The following KALRN variants were observed in gnomAD, a reference collection of about 807,000 sequenced individuals.
KALRN encodes the protein kalirin RhoGEF kinase.
KALRN carries 70 observed loss-of-function variants against 353.7 expected under a neutral mutation model. The ratio of observed to expected loss-of-function variants is 0.20; its 90% CI spans 0.16 to 0.24. The LOEUF is 0.24. Ranked by LOEUF, KALRN falls within the 10% of genes least tolerant of loss-of-function variation. The pLI is 1.00. For synonymous variants in KALRN, 1,391 were observed against 1,434.8 expected (o/e 0.97, Z 0.69); for missense variants, 2,791 against 3,756.7 (o/e 0.74, Z 6.72).
chr3:124,457,568 A>G (rs1373609333), intron 23 of KALRN, among the ~76,000 whole-genome samples: 9 of 152,102 alleles, frequency 5.9e-5, no homozygotes, highest in Admixed American at 5.9e-4. Context: ...CAGCACCTAC[A>G]CTTTTTATGT....
At chr3:124,328,190 G>A (rs1334286323) in intron 7 of KALRN, among the ~76,000 whole-genome samples, 1 of 152,120 alleles carries the variant, frequency 6.6e-6, no homozygotes, top group African/African-American at 2.4e-5. Context: ...GAGGGATTTG[G>A]CCATATCTTT....
intron 29 of KALRN, among the ~76,000 whole-genome samples, chr3:124,490,308 T>C (rs1222183941): frequency 1.3e-5 from 2 of 152,200 alleles, no homozygotes; most frequent in Non-Finnish European, 2.9e-5. Context: ...CAGGCAGTGT[T>C]TGTCCTCAAC....
chr3:124,653,320 T>C (rs1052191750), intron 38 of KALRN, among the ~76,000 whole-genome samples: 1 of 152,182 alleles, frequency 6.6e-6, no homozygotes, highest in African/African-American at 2.4e-5. Flanking sequence ...AGAATGGAGT[T>C]ACTTGTCTTC....
intron 1 of KALRN, among the ~76,000 whole-genome samples, chr3:124,183,544 C>T (rs548963971): frequency 6.6e-6 from 1 of 152,166 alleles, no homozygotes; most frequent in Non-Finnish European, 1.5e-5. Context: ...GATTGCATTT[C>T]AACATAAGAT....
intron 1 of KALRN, chr3:124,094,913 AGTGTGT>A: frequency 6.2e-7 from 1 of 1,612,808 alleles, no homozygotes; most frequent in Non-Finnish European, 8.5e-7. Flanking sequence ...AGGTATCCTG[AGTGTGT>A]GTATGCTTGT....
At chr3:124,184,789 A>G (rs888264356) in intron 1 of KALRN, among the ~76,000 whole-genome samples, 1 of 152,238 alleles carries the variant, frequency 6.6e-6, no homozygotes, top group African/African-American at 2.4e-5. Context: ...CATCTGGCAC[A>G]TACTGGGCAC....
intron 14 of KALRN, among the ~76,000 whole-genome samples, chr3:124,419,904 T>C (rs1320848306): frequency 1.3e-5 from 2 of 152,186 alleles, no homozygotes; most frequent in Non-Finnish European, 2.9e-5. Flanking sequence ...TTGAGAGCAG[T>C]AAAGTCAACA....
At chr3:124,702,686 A>G (rs1354474478) in intron 57 of KALRN, among the ~76,000 whole-genome samples, 2 of 152,140 alleles carry the variant, frequency 1.3e-5, no homozygotes, top group Non-Finnish European at 2.9e-5. Context: ...TGCAATCACT[A>G]ATTGTTGGAT....
chr3:124,490,283 C>G (rs1182599292), intron 29 of KALRN, among the ~76,000 whole-genome samples: 1 of 152,038 alleles, frequency 6.6e-6, no homozygotes, highest in African/African-American at 2.4e-5. Flanking sequence ...TAAAGAGGAG[C>G]TGAAGACACT....
At chr3:124,160,475 T>C (rs1308865483) in intron 1 of KALRN, among the ~76,000 whole-genome samples, 3 of 152,030 alleles carry the variant, frequency 2.0e-5, no homozygotes, top group African/African-American at 7.2e-5. Flanking sequence ...GGATGGGATG[T>C]GGGTTTGCTT....
chr3:124,263,580 C>T (rs750694757), intron 3 of KALRN, among the ~76,000 whole-genome samples: 1 of 151,682 alleles, frequency 6.6e-6, no homozygotes, highest in Non-Finnish European at 1.5e-5. Context: ...ATAGCGAGAC[C>T]CTGACTCTTT....
chr3:124,160,065 C>T (rs2069673902), intron 1 of KALRN, among the ~76,000 whole-genome samples: 1 of 151,568 alleles, frequency 6.6e-6, no homozygotes, highest in African/African-American at 2.4e-5. Context: ...CTTGAAAGTT[C>T]ATATCTATCT....
chr3:124,675,714 C>T (rs2087112642), intron 49 of KALRN, among the ~76,000 whole-genome samples: 1 of 152,120 alleles, frequency 6.6e-6, no homozygotes. Flanking sequence ...AACTGGTTCC[C>T]TGCAACTGGG....
At chr3:124,048,627 G>A (rs976535285) in intron 1 of KALRN, among the ~76,000 whole-genome samples, 6 of 151,824 alleles carry the variant, frequency 4.0e-5, no homozygotes, top group African/African-American at 9.7e-5. Flanking sequence ...GACTACAGGC[G>A]CCCGCCACCT....
chr3:124,368,404 C>T (rs1163019007), intron 10 of KALRN, among the ~76,000 whole-genome samples: 2 of 146,650 alleles, frequency 1.4e-5, no homozygotes, highest in African/African-American at 5.1e-5. Context: ...CGGGCAGAGG[C>T]GCTCCTCACA....
At chr3:124,056,503 G>C (rs2149184839) in intron 1 of KALRN, among the ~76,000 whole-genome samples, 1 of 152,290 alleles carries the variant, frequency 6.6e-6, no homozygotes, top group South Asian at 2.1e-4. Context: ...ACTATAAAGT[G>C]AAAGTGCTGA....
At chr3:124,307,721 T>TA (rs1195110519) in intron 6 of KALRN, among the ~76,000 whole-genome samples, 1 of 151,736 alleles carries the variant, frequency 6.6e-6, no homozygotes, top group Non-Finnish European at 1.5e-5. Context: ...TATAGAAGTA[T>TA]AAAAAAGACA....
chr3:124,404,018 CT>C (rs1246481080), intron 13 of KALRN, among the ~76,000 whole-genome samples: 1 of 152,052 alleles, frequency 6.6e-6, no homozygotes, highest in Admixed American at 6.5e-5. Context: ...GCCATCCAGC[CT>C]CTACCAGAAT....
chr3:124,163,097 G>T (rs1476684055), intron 1 of KALRN: 1 of 152,168 alleles, frequency 6.6e-6, no homozygotes, highest in Non-Finnish European at 1.5e-5. Flanking sequence ...AATATGAGAA[G>T]GATTTTTTTT....
Sources: allele counts gnomAD v4.1 joint callset (sites outside exome capture counted in the v4.1 genomes callset), GRCh38; gene constraint gnomAD v4.1.1; transcripts MANE v1.5; gene names NCBI Gene and HGNC (gene_info 2026-07-23, HGNC 2026-07-21).